The following ENOX2 variants were observed in gnomAD, a reference collection of about 807,000 sequenced individuals.
The protein encoded by ENOX2 is APK1 antigen.
A neutral mutation model predicts 45.0 loss-of-function variants in ENOX2; 36 were observed. That is an observed-to-expected ratio of 0.80 (90% confidence interval 0.61 to 1.06). The LOEUF is 1.06. Among genes scored for constraint, ENOX2 ranks in the 50% least tolerant of loss-of-function variants. The pLI, the probability that ENOX2 is intolerant of heterozygous loss-of-function variation, is 0.00. For missense variants in ENOX2, 423 were observed against 462.5 expected (o/e 0.91, Z 0.78); for synonymous variants, 174 against 152.3 (o/e 1.14, Z -1.05).
intron 2 of ENOX2, among the ~76,000 whole-genome samples, chrX:130,813,009 G>A (rs1039854852): frequency 1.8e-5 from 2 of 111,861 alleles, no homozygotes; most frequent in South Asian, 3.7e-4. Flanking sequence ...GTGACATGAC[G>A]CTAAAAGAAA....
intron 2 of ENOX2, among the ~76,000 whole-genome samples, chrX:130,891,907 A>AT (rs751743982): frequency 2.7e-5 from 3 of 111,810 alleles, no homozygotes; most frequent in Non-Finnish European, 5.6e-5. Flanking sequence ...AACGGTTAGG[A>AT]ATACTGGGCT....
At chrX:130,665,518 C>T in intron 9 of ENOX2, 125 bp downstream of exon 9, 2 of 492,946 alleles carry the variant, frequency 4.1e-6, no homozygotes, top group Non-Finnish European at 7.2e-6. Context: ...CTTAGTGTTT[C>T]ATTAGGGCCT....
At chrX:130,760,785 CAAAAAAAAAAAAAAAAAA>C (rs555575901) in intron 3 of ENOX2, among the ~76,000 whole-genome samples, 16 of 9,405 alleles carry the variant, frequency 1.7e-3, no homozygotes, top group South Asian at 0.029. Context: ...GACTCCATCT[CAAAAAAAAAAAAAAAAAA>C]AAAAAAAAAA....
At chrX:130,810,743 C>T (rs1232397081) in intron 2 of ENOX2, among the ~76,000 whole-genome samples, 1 of 112,338 alleles carries the variant, frequency 8.9e-6, no homozygotes, top group African/African-American at 3.2e-5. Context: ...CTTCAGCAAA[C>T]CCATGGTCCA....
At chrX:130,893,034 G>A (rs1323591781) in intron 2 of ENOX2, among the ~76,000 whole-genome samples, 2 of 111,427 alleles carry the variant, frequency 1.8e-5, no homozygotes, top group Admixed American at 1.9e-4. Flanking sequence ...AAGGAGAGGG[G>A]GAAAGGGGTA....
At chrX:130,892,342 G>A (rs2148590744) in intron 2 of ENOX2, among the ~76,000 whole-genome samples, 1 of 112,302 alleles carries the variant, frequency 8.9e-6, no homozygotes, top group South Asian at 3.7e-4. Context: ...GAGTAGCAAG[G>A]AAACTTGTCA....
chrX:130,855,712 AC>A (rs1417066196), intron 2 of ENOX2, among the ~76,000 whole-genome samples: 17 of 112,047 alleles, frequency 1.5e-4, no homozygotes, highest in Admixed American at 3.8e-4. Flanking sequence ...AAGAAAAAAA[AC>A]AATACATTAT....
At chrX:130,841,998 C>G (rs1367897675) in intron 2 of ENOX2, among the ~76,000 whole-genome samples, 1 of 112,372 alleles carries the variant, frequency 8.9e-6, no homozygotes, top group Non-Finnish European at 1.9e-5. Flanking sequence ...CCAAAAGCCC[C>G]AGCTGTTTTG....
intron 4 of ENOX2, among the ~76,000 whole-genome samples, chrX:130,695,176 G>A (rs1185928595): frequency 9.0e-6 from 1 of 111,514 alleles, no homozygotes; most frequent in African/African-American, 3.3e-5. Flanking sequence ...AACCTTGTAC[G>A]TGGCCTTCAA....
intron 2 of ENOX2, among the ~76,000 whole-genome samples, chrX:130,820,851 T>A (rs1405781180): frequency 9.0e-6 from 1 of 111,718 alleles, no homozygotes; most frequent in East Asian, 2.8e-4. Flanking sequence ...GTGCAAAATT[T>A]CAGTTAGAAA....
chrX:130,764,630 G>A (rs1019439023), intron 3 of ENOX2, among the ~76,000 whole-genome samples: 1 of 110,407 alleles, frequency 9.1e-6, no homozygotes, highest in African/African-American at 3.3e-5. Context: ...TCCAGGCTAA[G>A]AGCACAATTT....
chrX:130,797,136 G>A (rs1276720625), intron 2 of ENOX2, among the ~76,000 whole-genome samples: 1 of 111,683 alleles, frequency 9.0e-6, no homozygotes, highest in African/African-American at 3.3e-5. Context: ...ATTACATTGT[G>A]GGAGGTAGGA....
intron 3 of ENOX2, among the ~76,000 whole-genome samples, chrX:130,763,952 C>T (rs1162782143): frequency 1.8e-5 from 2 of 110,756 alleles, no homozygotes; most frequent in African/African-American, 6.6e-5. Context: ...GCTTCCTAGT[C>T]CTTTGGCTAA....
chrX:130,787,102 G>T (rs1386002631), intron 2 of ENOX2, among the ~76,000 whole-genome samples: 2 of 105,329 alleles, frequency 1.9e-5, no homozygotes, highest in Admixed American at 2.1e-4. Flanking sequence ...CATTCTAACT[G>T]GTGTGAGATG....
intron 3 of ENOX2, among the ~76,000 whole-genome samples, chrX:130,725,008 C>T (rs1190303326): frequency 9.0e-6 from 1 of 111,281 alleles, no homozygotes; most frequent in Non-Finnish European, 1.9e-5. Context: ...GTAAGCAGAT[C>T]CTCCTACCCA....
intron 7 of ENOX2, 134 bp downstream of exon 7, chrX:130,669,831 G>C (rs902314262): frequency 2.8e-5 from 14 of 498,628 alleles, no homozygotes; most frequent in Non-Finnish European, 4.4e-5. Flanking sequence ...TATCTGCAAG[G>C]CTCCAACACA....
chrX:130,631,342 C>A, intron 13 of ENOX2, 126 bp downstream of exon 13: 1 of 485,818 alleles, frequency 2.1e-6, no homozygotes, highest in Non-Finnish European at 3.7e-6. Flanking sequence ...ATCTTCAGAA[C>A]TCTGAGTTCT....
At chrX:130,852,953 C>A (rs778488260) in intron 2 of ENOX2, among the ~76,000 whole-genome samples, 1 of 111,285 alleles carries the variant, frequency 9.0e-6, no homozygotes, top group East Asian at 2.8e-4. Flanking sequence ...CTCTCTATTT[C>A]TCCCATTAAG....
intron 3 of ENOX2, among the ~76,000 whole-genome samples, chrX:130,775,534 C>A (rs1364879842): frequency 1.8e-5 from 2 of 111,278 alleles, no homozygotes; most frequent in East Asian, 5.6e-4. Context: ...TAGAGGTAGA[C>A]CTACAGGCCC....
Sources: gnomAD v4.1 joint callset for allele counts (sites outside exome capture counted in the v4.1 genomes callset) on GRCh38, gnomAD v4.1.1 for gene constraint, MANE v1.5 for transcripts, NCBI Gene and HGNC (gene_info 2026-07-23, HGNC 2026-07-21) for gene names.